The following SLC25A43 variants were observed in gnomAD, a reference collection of about 807,000 sequenced individuals.
The protein encoded by SLC25A43 is solute carrier family 25 member 43, also known as solute carrier family 25, member 43.
In SLC25A43, 10 loss-of-function variants were observed where a neutral mutation model predicts 22.8. The ratio of observed to expected loss-of-function variants is 0.44; its 90% CI spans 0.27 to 0.74. The LOEUF is 0.74. Among genes scored for constraint, SLC25A43 ranks in the 30% least tolerant of loss-of-function variants. The pLI is 0.17. For synonymous variants in SLC25A43, 106 were observed against 121.6 expected (o/e 0.87, Z 0.84); for missense variants, 233 against 279.1 (o/e 0.83, Z 1.18).
intron 3 of SLC25A43, among the ~76,000 whole-genome samples, chrX:119,424,993 G>C (rs2052490467): frequency 8.9e-6 from 1 of 112,322 alleles, no homozygotes; most frequent in South Asian, 3.7e-4. Flanking sequence ...TGAATTTTGG[G>C]AGGACACAAA....
At position 119,452,944 on chromosome X, in the gene SLC25A43, T is replaced by C; in HGVS notation, c.905T>C (p.Leu302Pro). Residue 302 changes from leucine to proline, a missense_variant, in exon 5 of 5, where the codon CTG becomes CCG. Leu to Pro is a moderately conservative substitution (Grantham distance 98). Transcript: ENST00000217909. ...TGTCTTTATCAAAATGGTTACATTCTGTCTCCACTGAGCTATAAATTGACC... is the reference window on the plus strand; with the variant it reads ...TGTCTTTATCAAAATGGTTACATTCCGTCTCCACTGAGCTATAAATTGACC... ...RICLYQNGYI[L>P]SPLSYKLTPG... 8.3e-7 allele frequency: 1 copy of C among 1,210,189 alleles called. No individual in the cohort carries two copies. The highest frequency in any genetic ancestry group is 1.1e-6 in the Non-Finnish European group (1 of 893,848).
chrX:119,452,492 C>CAAAAAAAAAAAA (rs376677564), intron 4 of SLC25A43, among the ~76,000 whole-genome samples: 1 of 66,076 alleles, frequency 1.5e-5, no homozygotes, highest in Non-Finnish European at 3.0e-5. Context: ...AACTCCATGA[C>CAAAAAAAAAAAA]AAAAAAAAAA....
At chrX:119,433,676 T>A (rs763916646) in intron 3 of SLC25A43, among the ~76,000 whole-genome samples, 1 of 112,187 alleles carries the variant, frequency 8.9e-6, no homozygotes, top group Non-Finnish European at 1.9e-5. Flanking sequence ...TCTGATGAGT[T>A]TGGAAGGGTA....
intron 2 of SLC25A43, among the ~76,000 whole-genome samples, chrX:119,409,245 A>G (rs113244837): frequency 1.8e-5 from 2 of 108,933 alleles, no homozygotes; most frequent in African/African-American, 3.3e-5. Context: ...CAGTGGTGCA[A>G]TCTCGGCTCA....
intron 3 of SLC25A43, chrX:119,434,933 G>C (rs1434673494): frequency 9.0e-6 from 1 of 110,740 alleles, no homozygotes; most frequent in African/African-American, 3.3e-5. Context: ...CTGCTTCCTG[G>C]GTTCAAGCCA....
At chrX:119,435,432 T>C (rs1007956728) in intron 3 of SLC25A43, among the ~76,000 whole-genome samples, 1 of 103,641 alleles carries the variant, frequency 9.6e-6, no homozygotes, top group African/African-American at 3.5e-5. Flanking sequence ...GCTTGTAGGC[T>C]CCAGTAAGAA....
intron 3 of SLC25A43, among the ~76,000 whole-genome samples, chrX:119,442,664 G>A (rs1404855624): frequency 3.6e-5 from 4 of 112,004 alleles, no homozygotes; most frequent in Non-Finnish European, 7.5e-5. Context: ...ACACTTTAAA[G>A]TAAGACATCC....
intron 3 of SLC25A43, among the ~76,000 whole-genome samples, chrX:119,444,477 G>A (rs889759943): frequency 9.1e-6 from 1 of 109,633 alleles, no homozygotes; most frequent in Non-Finnish European, 1.9e-5. Context: ...AGGCCGAGGT[G>A]GGTGGATCAC....
intron 3 of SLC25A43, among the ~76,000 whole-genome samples, chrX:119,417,043 G>A (rs970430128): frequency 9.0e-6 from 1 of 111,433 alleles, no homozygotes; most frequent in Non-Finnish European, 1.9e-5. Flanking sequence ...TCAAGGCTTC[G>A]CCAGCTTAGC....
At chrX:119,410,081 C>T in intron 2 of SLC25A43, 109 bp from the exon 3 acceptor site, 1 of 892,976 alleles carries the variant, frequency 1.1e-6, no homozygotes, top group Non-Finnish European at 1.6e-6. Context: ...ATTTTAGCAA[C>T]CCCAGAGCCC....
intron 3 of SLC25A43, among the ~76,000 whole-genome samples, chrX:119,430,988 A>G (rs2052547571): frequency 1.8e-5 from 2 of 112,059 alleles, no homozygotes; most frequent in South Asian, 3.7e-4. Flanking sequence ...TAAAGGGCTA[A>G]GAGAATATTT....
intron 3 of SLC25A43, among the ~76,000 whole-genome samples, chrX:119,414,406 G>GT (rs2052380477): frequency 9.0e-6 from 1 of 110,897 alleles, no homozygotes. Context: ...GTTTTGTTTT[G>GT]TTTTTTTAGA....
chrX:119,421,917 C>T (rs925251699), intron 3 of SLC25A43, among the ~76,000 whole-genome samples: 1 of 111,373 alleles, frequency 9.0e-6, no homozygotes, highest in Non-Finnish European at 1.9e-5. Context: ...ATACCACCCA[C>T]CCCCTTTTTA....
intron 3 of SLC25A43, among the ~76,000 whole-genome samples, chrX:119,428,784 C>T (rs762021457): frequency 7.1e-5 from 8 of 111,950 alleles, no homozygotes; most frequent in Non-Finnish European, 1.3e-4. Flanking sequence ...GCCTGAGCCC[C>T]GCCTCCTGTC....
chrX:119,419,959 G>C (rs1188107358), intron 3 of SLC25A43, among the ~76,000 whole-genome samples: 1 of 111,522 alleles, frequency 9.0e-6, no homozygotes, highest in Admixed American at 9.6e-5. Flanking sequence ...TCTCCTCATT[G>C]GTCTCCAGGA....
chrX:119,413,355 A>G lies in SLC25A43; in HGVS notation c.690+2993A>G, dbSNP rs947359354. 5.4e-5 allele frequency among the ~76,000 whole-genome samples: 6 copies of G among 111,417 alleles called. No homozygotes were observed. In the Admixed American group the frequency reaches 5.8e-4, roughly 11 times the overall value. Reference sequence around the variant, plus strand: ...TATACATAAACACACTCACACACATATAAAGATATATAAGGTTATTTCTTT... The same window carrying G: ...TATACATAAACACACTCACACACATGTAAAGATATATAAGGTTATTTCTTT... On this transcript the variant is annotated intron_variant, in intron 3 of 4. Coordinates refer to ENST00000217909, the MANE Select transcript of SLC25A43 (RefSeq NM_145305.3).
At chrX:119,445,874 A>G (rs1009482565) in intron 3 of SLC25A43, among the ~76,000 whole-genome samples, 3 of 110,827 alleles carry the variant, frequency 2.7e-5, no homozygotes, top group Non-Finnish European at 5.7e-5. Context: ...GTCAGGGGCA[A>G]CAAAGAGGTG....
At chrX:119,401,885 A>G (rs773135148) in intron 1 of SLC25A43, among the ~76,000 whole-genome samples, 3 of 110,971 alleles carry the variant, frequency 2.7e-5, no homozygotes, top group African/African-American at 6.6e-5. Context: ...GGCACCGGCA[A>G]TAGGTGACCA....
rs1439456682 is a variant in SLC25A43 at position 119,453,141 on chromosome X, C to T, written c.*76C>T. ...ATAAATGTAGCCTCATAACTGTGCA[C>T]CTGAGGAGGGATGAGAAGCTACTGC... On this transcript the variant is annotated 3_prime_UTR_variant, in exon 5 of 5. Coordinates refer to ENST00000217909, the MANE Select transcript of SLC25A43 (RefSeq NM_145305.3). 13 of 905,734 alleles carry T rather than the reference C, an allele frequency of 1.4e-5. No homozygotes were observed. Among genetic ancestry groups the T allele is most frequent in the African/African-American group, 9.9e-5 (5 of 50,626 alleles). The allele number at this position is 905,734 out of a possible 1,213,427, so 74.6% of individuals were successfully genotyped here.
Sources: gnomAD v4.1 joint callset for allele counts (sites outside exome capture counted in the v4.1 genomes callset) on GRCh38, gnomAD v4.1.1 for gene constraint, MANE v1.5 for transcripts, NCBI Gene and HGNC (gene_info 2026-07-23, HGNC 2026-07-21) for gene names.